ZFPM2: variants seen among roughly 807,000 people sequenced by gnomAD.
ZFPM2 encodes zinc finger protein, FOG family member 2, also known as zinc finger protein ZFPM2.
Under a neutral mutation model 98.6 loss-of-function variants are expected in ZFPM2, and 20 were observed. The ratio of observed to expected loss-of-function variants is 0.20; its 90% CI spans 0.14 to 0.29. The LOEUF is 0.29. ZFPM2 is among the 10% of genes least tolerant of loss of function. ZFPM2 has a pLI of 1.00. For synonymous variants in ZFPM2, 518 were observed against 502.7 expected (o/e 1.03, Z -0.41); for missense variants, 1,310 against 1,388.6 (o/e 0.94, Z 0.90).
At chr8:105,673,225 A>G (rs563615715) in intron 5 of ZFPM2, among the ~76,000 whole-genome samples, 21 of 75,022 alleles carry the variant, frequency 2.8e-4, no homozygotes, top group Admixed American at 3.8e-4. Context: ...GTACTTACTT[A>G]TATACCTTGT....
chr8:105,707,712 T>C (rs1160564659), intron 5 of ZFPM2, among the ~76,000 whole-genome samples: 1 of 152,238 alleles, frequency 6.6e-6, no homozygotes, highest in Non-Finnish European at 1.5e-5. Flanking sequence ...TGACATTGTT[T>C]TGTAGCAACA....
At chr8:105,655,332 A>G (rs1817262962) in intron 5 of ZFPM2, among the ~76,000 whole-genome samples, 1 of 150,544 alleles carries the variant, frequency 6.6e-6, no homozygotes. Flanking sequence ...CCTGGGTTCA[A>G]GCGATTCTCC....
chr8:105,520,780 TAG>T (rs1488130673), intron 3 of ZFPM2, among the ~76,000 whole-genome samples: 1 of 151,172 alleles, frequency 6.6e-6, no homozygotes, highest in Admixed American at 6.6e-5. Context: ...GAGTAATTGA[TAG>T]AGAGATATTT....
At chr8:105,774,718 A>G (rs1813059025) in intron 5 of ZFPM2, among the ~76,000 whole-genome samples, 1 of 152,174 alleles carries the variant, frequency 6.6e-6, no homozygotes, top group Non-Finnish European at 1.5e-5. Context: ...TTGTTCAGAG[A>G]TGGTTTCCAG....
intron 3 of ZFPM2, among the ~76,000 whole-genome samples, chr8:105,522,831 A>G (rs1376224575): frequency 6.6e-6 from 1 of 152,150 alleles, no homozygotes; most frequent in Non-Finnish European, 1.5e-5. Flanking sequence ...CTTAGGCTCT[A>G]TTTAGCTGTG....
At chr8:105,743,022 A>G (rs1812256964) in intron 5 of ZFPM2, among the ~76,000 whole-genome samples, 2 of 152,128 alleles carry the variant, frequency 1.3e-5, no homozygotes, top group South Asian at 4.1e-4. Context: ...TCTTGAAATG[A>G]CCATCACAAG....
At chr8:105,540,397 T>C (rs1463044164) in intron 3 of ZFPM2, among the ~76,000 whole-genome samples, 4 of 152,096 alleles carry the variant, frequency 2.6e-5, no homozygotes, top group Non-Finnish European at 5.9e-5. Context: ...TTCATATGGT[T>C]TTTATAACAG....
chr8:105,783,801 G>C (rs1287497771), intron 5 of ZFPM2, among the ~76,000 whole-genome samples: 2 of 152,062 alleles, frequency 1.3e-5, no homozygotes, highest in Non-Finnish European at 2.9e-5. Context: ...ATACTTCCAT[G>C]GGTTGTTTCC....
chr8:105,446,803 C>T (rs1417655285), intron 3 of ZFPM2, among the ~76,000 whole-genome samples: 1 of 151,580 alleles, frequency 6.6e-6, no homozygotes, highest in Non-Finnish European at 1.5e-5. Context: ...ACACATTTAG[C>T]CAAAAAAGGG....
chr8:105,501,285 C>T (rs376222630), intron 3 of ZFPM2, among the ~76,000 whole-genome samples: 8 of 150,732 alleles, frequency 5.3e-5, no homozygotes, highest in East Asian at 2.0e-4. Context: ...CAGGTTTAAG[C>T]GATTCTCCTG....
intron 3 of ZFPM2, among the ~76,000 whole-genome samples, chr8:105,532,134 T>A (rs1268843884): frequency 6.6e-6 from 1 of 152,152 alleles, no homozygotes; most frequent in Admixed American, 6.6e-5. Flanking sequence ...ATTCCTGGGC[T>A]CAAGCAATCC....
chr8:105,457,689 T>TTTTG (rs953813596), intron 3 of ZFPM2, among the ~76,000 whole-genome samples: 1 of 152,074 alleles, frequency 6.6e-6, no homozygotes, highest in Non-Finnish European at 1.5e-5. Flanking sequence ...AGAAAATGGT[T>TTTTG]TTTGTTTGTT....
chr8:105,661,806 G>T (rs546331284), intron 5 of ZFPM2, among the ~76,000 whole-genome samples: 1 of 152,042 alleles, frequency 6.6e-6, no homozygotes, highest in African/African-American at 2.4e-5. Context: ...TTGTCATCAC[G>T]CTTGAAGAAT....
chr8:105,662,905 A>G (rs1817419478), intron 5 of ZFPM2: 2 of 152,082 alleles, frequency 1.3e-5, no homozygotes, highest in Non-Finnish European at 2.9e-5. Context: ...AAGAGTGTGC[A>G]TGATAACACA....
At chr8:105,572,040 T>C (rs1166901482) in intron 4 of ZFPM2, among the ~76,000 whole-genome samples, 4 of 125,624 alleles carry the variant, frequency 3.2e-5, no homozygotes, top group East Asian at 4.0e-4. Flanking sequence ...TTTCTTTTTT[T>C]TTTTTTTTTT....
chr8:105,422,739 A>G (rs1384643087), intron 2 of ZFPM2, among the ~76,000 whole-genome samples: 1 of 152,182 alleles, frequency 6.6e-6, no homozygotes, highest in Non-Finnish European at 1.5e-5. Context: ...AAGTTCTCCA[A>G]ACAAGAAATT....
intron 1 of ZFPM2, among the ~76,000 whole-genome samples, chr8:105,339,558 A>C (rs1180267119): frequency 6.6e-6 from 1 of 151,892 alleles, no homozygotes; most frequent in African/African-American, 2.4e-5. Flanking sequence ...TGCATGTATT[A>C]ACTATTAACA....
At chr8:105,520,876 G>A (rs919352911) in intron 3 of ZFPM2, among the ~76,000 whole-genome samples, 2 of 145,778 alleles carry the variant, frequency 1.4e-5, no homozygotes, top group African/African-American at 4.9e-5. Context: ...GACATATGGG[G>A]AGGGCTGGGG....
chr8:105,547,637 C>T (rs1814743174), intron 3 of ZFPM2, among the ~76,000 whole-genome samples: 1 of 147,282 alleles, frequency 6.8e-6, no homozygotes, highest in African/African-American at 2.5e-5. Context: ...AGTGACTGTA[C>T]AGAGGAAATC....
Sources: allele counts gnomAD v4.1 joint callset (sites outside exome capture counted in the v4.1 genomes callset), GRCh38; gene constraint gnomAD v4.1.1; transcripts MANE v1.5; gene names NCBI Gene and HGNC (gene_info 2026-07-23, HGNC 2026-07-21).